The following SDC3 variants were observed in gnomAD, a reference collection of about 807,000 sequenced individuals.
SDC3 encodes the protein syndecan 3.
SDC3 carries 13 observed loss-of-function variants against 24.4 expected under a neutral mutation model. The observed-to-expected ratio is 0.53, with a 90% confidence interval of 0.35 to 0.85. SDC3 has a LOEUF of 0.85. Among genes scored for constraint, SDC3 ranks in the 40% least tolerant of loss-of-function variants. The probability of loss-of-function intolerance (pLI) is 0.01; values close to 1 mark genes in which losing one functional copy is unlikely to be tolerated. For synonymous variants in SDC3, 295 were observed against 260.9 expected (o/e 1.13, Z -1.26); for missense variants, 571 against 584.5 (o/e 0.98, Z 0.24).
intron 1 of SDC3, among the ~76,000 whole-genome samples, chr1:30,903,754 C>T (rs1638459831): frequency 6.6e-6 from 1 of 152,134 alleles, no homozygotes; most frequent in South Asian, 2.1e-4. Flanking sequence ...GTAGGGAGGC[C>T]CCAGAGAGGT....
At chr1:30,903,946 G>A (rs1350340730) in intron 1 of SDC3, among the ~76,000 whole-genome samples, 1 of 152,140 alleles carries the variant, frequency 6.6e-6, no homozygotes. Context: ...GGTTCTGGCT[G>A]GGGGTTGTGG....
chr1:30,880,539 A>T (rs1365551841), intron 1 of SDC3: 2 of 152,236 alleles, frequency 1.3e-5, no homozygotes, highest in African/African-American at 4.8e-5. Flanking sequence ...CTTTCCGAAC[A>T]GCAAGCATCC....
chr1:30,908,294 G>A (rs1226700372), intron 1 of SDC3, among the ~76,000 whole-genome samples, 155 bp downstream of exon 1: 2 of 147,512 alleles, frequency 1.4e-5, no homozygotes, highest in African/African-American at 2.5e-5. Flanking sequence ...GCGCTCGGGG[G>A]AGGGTCGAGG....
rs1336375938 is a variant in SDC3 at position 30,876,534 on chromosome 1, C to A, written c.870+18G>T. 5.3e-6 allele frequency: 8 copies of A among 1,507,634 alleles called. No individual in the cohort carries two copies. Among genetic ancestry groups the A allele is most frequent in the Non-Finnish European group, 7.1e-6 (8 of 1,129,068 alleles). 93.4% of individuals were successfully genotyped at this position (1,507,634 alleles called of 1,614,324 possible). A position where few individuals can be genotyped will look rare whatever the true frequency, so the allele number is the denominator to read the frequency against. The stretch of plus-strand genomic sequence containing the variant: ...ACCCTCCTCCGCCCTCCTCCCTGTC[C>A]CTTCTCAACACCCTCACCTGAGCCA... On this transcript the variant is annotated intron_variant, in intron 3 of 4. Transcript: ENST00000339394.
intron 1 of SDC3, among the ~76,000 whole-genome samples, chr1:30,881,026 T>TACAC (rs1639735491): frequency 7.4e-6 from 1 of 134,432 alleles, no homozygotes; most frequent in African/African-American, 3.0e-5. Context: ...CGCGCACGCA[T>TACAC]GCACACACAC....
chr1:30,908,251 T>C (rs1638568959), intron 1 of SDC3, among the ~76,000 whole-genome samples, 198 bp downstream of exon 1: 1 of 138,204 alleles, frequency 7.2e-6, no homozygotes, highest in African/African-American at 2.7e-5. Flanking sequence ...TAGGGGGAGA[T>C]TCCGGAGGGG....
intron 3 of SDC3, among the ~76,000 whole-genome samples, chr1:30,875,916 T>C (rs1639629341): frequency 6.6e-6 from 1 of 152,072 alleles, no homozygotes; most frequent in African/African-American, 2.4e-5. Flanking sequence ...CTAACACAGG[T>C]AAAGTGCTGA....
chr1:30,907,547 C>T (rs971698654), intron 1 of SDC3, among the ~76,000 whole-genome samples: 1 of 152,206 alleles, frequency 6.6e-6, no homozygotes, highest in East Asian at 1.9e-4. Flanking sequence ...AGGTCTTTCA[C>T]ACACACACCC....
intron 1 of SDC3, among the ~76,000 whole-genome samples, chr1:30,902,147 G>A (rs1189955842): frequency 6.6e-6 from 1 of 152,218 alleles, no homozygotes; most frequent in African/African-American, 2.4e-5. Flanking sequence ...GGCAACAGGG[G>A]TTGTAGAACC....
intron 1 of SDC3, 100 bp from the exon 2 acceptor site, chr1:30,878,840 C>T: frequency 1.2e-6 from 1 of 864,818 alleles, no homozygotes; most frequent in East Asian, 2.4e-5. Flanking sequence ...GAGTGACATC[C>T]ACGTGGGTGA....
intron 1 of SDC3, among the ~76,000 whole-genome samples, chr1:30,904,975 C>T (rs192077781): frequency 2.0e-5 from 3 of 152,304 alleles, no homozygotes; most frequent in Admixed American, 1.3e-4. Context: ...AGAAATCCCT[C>T]ACTGGAAATC....
intron 1 of SDC3, among the ~76,000 whole-genome samples, chr1:30,893,474 A>G: frequency 6.6e-6 from 1 of 151,934 alleles, no homozygotes; most frequent in South Asian, 2.1e-4. Flanking sequence ...TATGACAACC[A>G]AAAATTTCAA....
In SDC3 at chr1:30,876,802, C is replaced by T. The variant is rs752456728; in HGVS notation, c.620G>A (p.Gly207Asp). The T allele has an allele frequency of 6.2e-7, 1 of 1,604,920 alleles. No homozygotes were observed. Among genetic ancestry groups the T allele is most frequent in the Non-Finnish European group, 8.5e-7 (1 of 1,174,802 alleles). ...TATTAVIRTTGVRRLLPLPLT... is the reference protein window; with the variant it reads ...TATTAVIRTTDVRRLLPLPLT... ...TGGGAGAGGCAGAAGCCTCCGTACGCCAGTGGTCCTTATAACAGCAGTGGT... is the reference window on the plus strand; with the variant it reads ...TGGGAGAGGCAGAAGCCTCCGTACGTCAGTGGTCCTTATAACAGCAGTGGT... The change falls in exon 3 of 5, where the codon GGC becomes GAC. Residue 207 changes from glycine to aspartate, a missense_variant. Around this residue, in one of 2 missense-constraint regions of SDC3, gnomAD observed 497 missense variants for 471.6 expected, o/e 1.05. Transcript: ENST00000339394.
intron 1 of SDC3, among the ~76,000 whole-genome samples, chr1:30,882,538 T>C (rs1639760175): frequency 1.3e-5 from 2 of 152,142 alleles, no homozygotes; most frequent in South Asian, 4.1e-4. Context: ...ACCTCCCAGG[T>C]TGCCCAGCCC....
chr1:30,889,140 G>GAA (rs1639871652), intron 1 of SDC3, among the ~76,000 whole-genome samples: 1 of 152,220 alleles, frequency 6.6e-6, no homozygotes, highest in Non-Finnish European at 1.5e-5. Context: ...GCGACTCTGG[G>GAA]CAAGTCAGTC....
chr1:30,889,705 C>G (rs1337985622), intron 1 of SDC3, among the ~76,000 whole-genome samples: 2 of 152,124 alleles, frequency 1.3e-5, no homozygotes, highest in Non-Finnish European at 2.9e-5. Flanking sequence ...TAATCACAAG[C>G]GTTGGCGAGG....
intron 1 of SDC3, among the ~76,000 whole-genome samples, chr1:30,899,968 T>A (rs1638380541): frequency 6.6e-6 from 1 of 152,230 alleles, no homozygotes; most frequent in Non-Finnish European, 1.5e-5. Flanking sequence ...AGCCCACACG[T>A]CTGCCTGATG....
intron 3 of SDC3, among the ~76,000 whole-genome samples, chr1:30,875,802 C>T (rs989783565): frequency 2.6e-5 from 4 of 152,198 alleles, no homozygotes; most frequent in Admixed American, 1.3e-4. Context: ...TCGCTGGCTG[C>T]GGAGCCTTGG....
intron 1 of SDC3, among the ~76,000 whole-genome samples, chr1:30,908,246 G>T (rs1199001435): frequency 2.7e-5 from 4 of 150,662 alleles, no homozygotes; most frequent in Admixed American, 2.6e-4. Flanking sequence ...CCAGCTAGGG[G>T]GAGATTCCGG....
Sources: allele counts gnomAD v4.1 joint callset (sites outside exome capture counted in the v4.1 genomes callset), GRCh38; gene constraint gnomAD v4.1.1; regional missense constraint gnomAD v4.1.1; transcripts MANE v1.5; gene names NCBI Gene and HGNC (gene_info 2026-07-23, HGNC 2026-07-21).